Variants in TMEM233 observed in about 807,000 individuals in gnomAD.
TMEM233 encodes the protein transmembrane protein 233, also known as dispanin subfamily B member 2.
A neutral mutation model predicts 11.2 loss-of-function variants in TMEM233; 6 were observed. The observed-to-expected ratio is 0.54, with a 90% CI of 0.29 to 1.06. TMEM233 has a LOEUF of 1.06. Among genes scored for constraint, TMEM233 ranks in the 50% least tolerant of loss-of-function variants. The pLI, the probability that TMEM233 is intolerant of heterozygous loss-of-function variation, is 0.08. For synonymous variants in TMEM233, 59 were observed against 55.8 expected, an observed-to-expected ratio of 1.06 and a Z score of -0.26; for missense variants, 127 against 144.7, an observed-to-expected ratio of 0.88 and a Z score of 0.63.
chr12:119,649,968 C>A, the TMEM233 span, among the ~76,000 whole-genome samples: 3 of 151,226 alleles, frequency 2.0e-5, no homozygotes, highest in Non-Finnish European at 4.4e-5. Context: ...ACCACCCTGG[C>A]TAACACGTTG....
chr12:119,626,083 A>G (rs566703946), intron 1 of TMEM233, among the ~76,000 whole-genome samples: 66 of 152,256 alleles, frequency 4.3e-4, no homozygotes, highest in African/African-American at 1.5e-3. Context: ...TTGACTTTTT[A>G]AAAATAATTT....
At chr12:119,651,677 AT>A in the TMEM233 span, among the ~76,000 whole-genome samples, 2 of 139,414 alleles carry the variant, frequency 1.4e-5, no homozygotes, top group African/African-American at 5.5e-5. Context: ...AAAAAAAAAA[AT>A]TAGCTGGATG....
rs182984174 is a variant in TMEM233, at chr12:119,634,254, C to T, written c.323+4382C>T. On this transcript the variant is annotated intron_variant, in intron 2 of 2. Coordinates refer to ENST00000426426, the MANE Select transcript of TMEM233 (RefSeq NM_001136534.3). Reference sequence around the variant, plus strand: ...CTGGAAAATCTGACATTAGAGGAGTCGAAGCCTGAAGATGAGCCCAAAACC... The same window carrying T: ...CTGGAAAATCTGACATTAGAGGAGTTGAAGCCTGAAGATGAGCCCAAAACC... 115 of 985,248 alleles carry T rather than the reference C, an allele frequency of 1.2e-4. No individual in the cohort carries two copies. In the African/African-American group the frequency reaches 1.7e-3, roughly 14 times the overall value. The allele number at this position is 985,248 out of a possible 1,614,324, so 61.0% of individuals were successfully genotyped here. A position where few individuals can be genotyped will look rare whatever the true frequency, so the allele number is the denominator to read the frequency against.
At chr12:119,616,005 G>GGGTATTTAGGT (rs1200803166) in intron 1 of TMEM233, among the ~76,000 whole-genome samples, 2 of 152,102 alleles carry the variant, frequency 1.3e-5, no homozygotes, top group African/African-American at 4.8e-5. Flanking sequence ...TTCCCCCCGT[G>GGGTATTTAGGT]GGTATTTAGG....
chr12:119,647,597 A>G (rs1955170461), downstream of TMEM233, among the ~76,000 whole-genome samples: 1 of 152,226 alleles, frequency 6.6e-6, no homozygotes, highest in South Asian at 2.1e-4. Flanking sequence ...CTTCTGGACT[A>G]AAATCCAAAC....
In TMEM233 at chr12:119,612,409, G is replaced by A. The variant is rs1375417606; in HGVS notation, c.187-17327G>A. Among the ~76,000 whole-genome samples the A allele has an allele frequency of 3.9e-5, 6 of 152,266 alleles. No individual in the cohort carries two copies. In the South Asian group the frequency reaches 1.2e-3, roughly 32 times the overall value. On this transcript the variant is annotated intron_variant, in intron 1 of 2. Transcript: ENST00000426426. ...GCAGGTGGATTGCTTGAGCTCAGGA[G>A]TTCCAGACCAGCCTGGGCAACACGG...
Position 119,594,043 on chromosome 12 carries a change from A to C in TMEM233, c.186+9A>C. 1 of 1,551,214 alleles carries C rather than the reference A, an allele frequency of 6.4e-7. No individual in the cohort carries two copies. The highest frequency in any genetic ancestry group is 8.7e-7 in the Non-Finnish European group (1 of 1,146,724). ...TGGTCTTTTCCATCATGGTGAGTGAATCACGGCCAGAGGCAGCCTGGGAGG... is the reference window on the plus strand; with the variant it reads ...TGGTCTTTTCCATCATGGTGAGTGACTCACGGCCAGAGGCAGCCTGGGAGG... On this transcript the variant is annotated intron_variant, in intron 1 of 2. Coordinates refer to ENST00000426426, the MANE Select transcript of TMEM233 (RefSeq NM_001136534.3). The surrounding 1 kb of genome is among the most constrained non-coding windows in gnomAD (Gnocchi z 5.6).
chr12:119,634,613 A>T (rs1954939841), intron 2 of TMEM233, among the ~76,000 whole-genome samples: 1 of 150,840 alleles, frequency 6.6e-6, no homozygotes. Flanking sequence ...ACCCTGTCTC[A>T]AAAAAAAACA....
chr12:119,596,365 G>A (rs1469312599), intron 1 of TMEM233, among the ~76,000 whole-genome samples: 1 of 152,078 alleles, frequency 6.6e-6, no homozygotes, highest in Admixed American at 6.6e-5. Flanking sequence ...TATTAATGAT[G>A]CTGCTTGGTA....
At chr12:119,639,618 T>C (rs1593314295) in intron 2 of TMEM233, among the ~76,000 whole-genome samples, 1 of 150,738 alleles carries the variant, frequency 6.6e-6, no homozygotes, top group East Asian at 1.9e-4. Flanking sequence ...CGAGACTCCA[T>C]CTCAAAAAAA....
rs980446537 is a variant in TMEM233, at chr12:119,627,971, A to G, written c.187-1765A>G. Among the ~76,000 whole-genome samples, 76 of 149,528 alleles carry G rather than the reference A, an allele frequency of 5.1e-4. 1 individual carries two copies. The highest frequency in any genetic ancestry group is 2.7e-4 in the Admixed American group (4 of 15,064). On this transcript the variant is annotated intron_variant, in intron 1 of 2. Coordinates refer to ENST00000426426, the MANE Select transcript of TMEM233 (RefSeq NM_001136534.3). ...ACTACCCCTTATCTAAAAATTTCTTAACAACCTGCCCCTTAATTTACATAT... is the reference window on the plus strand; with the variant it reads ...ACTACCCCTTATCTAAAAATTTCTTGACAACCTGCCCCTTAATTTACATAT...
rs1009985550 is a variant in TMEM233, at chr12:119,631,410, A to G, written c.323+1538A>G. On this transcript the variant is annotated intron_variant, in intron 2 of 2. Coordinates refer to ENST00000426426, the MANE Select transcript of TMEM233 (RefSeq NM_001136534.3). ...CCTATCAGAGAAGGCAGACCCAGGAACAACCAGTGGCAGCTGGGTAGAGGG... is the reference window on the plus strand; with the variant it reads ...CCTATCAGAGAAGGCAGACCCAGGAGCAACCAGTGGCAGCTGGGTAGAGGG... The G allele has an allele frequency of 4.4e-6, 3 of 687,618 alleles. No individual in the cohort carries two copies. The African/African-American group carries it at 5.8e-5, about 13-fold the overall frequency. 42.6% of individuals were successfully genotyped at this position (687,618 alleles called of 1,614,324 possible). A position where few individuals can be genotyped will look rare whatever the true frequency, so the allele number is the denominator to read the frequency against.
chr12:119,651,825 C>CAAA, the TMEM233 span, among the ~76,000 whole-genome samples: 11 of 79,380 alleles, frequency 1.4e-4, no homozygotes, highest in South Asian at 5.1e-4. Context: ...GACTCCGTCT[C>CAAA]AAAAAAAAAA....
chr12:119,605,145 G>A (rs1954247542), intron 1 of TMEM233, among the ~76,000 whole-genome samples: 1 of 151,672 alleles, frequency 6.6e-6, no homozygotes. Flanking sequence ...TCTTTGCTGT[G>A]GGTAATTTTT....
At chr12:119,614,722 G>T (rs1412537916) in intron 1 of TMEM233, among the ~76,000 whole-genome samples, 2 of 152,080 alleles carry the variant, frequency 1.3e-5, no homozygotes, top group Non-Finnish European at 2.9e-5. Flanking sequence ...GACTGTTGGT[G>T]TCCCACTCTC....
intron 2 of TMEM233, among the ~76,000 whole-genome samples, chr12:119,637,165 T>C (rs1954981868): frequency 6.6e-6 from 1 of 152,180 alleles, no homozygotes; most frequent in Non-Finnish European, 1.5e-5. Flanking sequence ...TTGAGGAACA[T>C]AAATAGTTGA....
At chr12:119,599,828 C>G (rs1249609093) in intron 1 of TMEM233, among the ~76,000 whole-genome samples, 3 of 152,190 alleles carry the variant, frequency 2.0e-5, no homozygotes, top group African/African-American at 7.2e-5. Context: ...TAGAGATTTT[C>G]TCTCTGGTAA....
rs935902942 is a variant in TMEM233, at chr12:119,617,025, C to T, written c.187-12711C>T. ...GTCTCAGGTATGTCTTTATTAACAG[C>T]GTGAGAACAGACAATTACAGTAAAT... On this transcript the variant is annotated intron_variant, in intron 1 of 2. Coordinates refer to ENST00000426426, the MANE Select transcript of TMEM233 (RefSeq NM_001136534.3). Among the ~76,000 whole-genome samples, 6 of 152,154 alleles carry T rather than the reference C, an allele frequency of 3.9e-5. 1 individual carries two copies. The highest frequency in any genetic ancestry group is 4.2e-4 in the South Asian group (2 of 4,804).
At chr12:119,626,514 G>A (rs1330744972) in intron 1 of TMEM233, among the ~76,000 whole-genome samples, 3 of 57,328 alleles carry the variant, frequency 5.2e-5, no homozygotes, top group East Asian at 3.0e-4. Flanking sequence ...AGGAGGAGGA[G>A]GAGGAGAAGG....
Sources: gnomAD v4.1 joint callset for allele counts (sites outside exome capture counted in the v4.1 genomes callset) on GRCh38, gnomAD v4.1.1 for gene constraint, Gnocchi (gnomAD v3.1) non-coding constraint, MANE v1.5 for transcripts, NCBI Gene and HGNC (gene_info 2026-07-23, HGNC 2026-07-21) for gene names.